IRAK2: variants seen among roughly 807,000 people sequenced by gnomAD.
IRAK2 encodes the protein interleukin-1 receptor-associated kinase-like 2.
Under a neutral mutation model 72.0 loss-of-function variants are expected in IRAK2, and 57 were observed. The observed-to-expected ratio is 0.79, with a 90% CI of 0.64 to 0.99. The LOEUF is 0.99. IRAK2 is among the 50% of genes least tolerant of loss of function. IRAK2 has a pLI of 0.00. For missense variants in IRAK2, 790 were observed against 794.4 expected, an observed-to-expected ratio of 0.99 and a Z score of 0.07; for synonymous variants, 293 against 312.7, an observed-to-expected ratio of 0.94 and a Z score of 0.67.
intron 3 of IRAK2, among the ~76,000 whole-genome samples, chr3:10,202,082 A>C (rs1156881082): frequency 1.3e-5 from 2 of 152,126 alleles, no homozygotes; most frequent in Non-Finnish European, 2.9e-5. Context: ...CATTCCAGAC[A>C]CTCCAGATAG....
At chr3:10,217,430 G>A (rs6804954) in intron 7 of IRAK2, among the ~76,000 whole-genome samples, 57,777 of 152,150 alleles carry the variant, frequency 0.38, 11,120 homozygotes, top group Admixed American at 0.43. Context: ...AACTTCGTTC[G>A]TCATGGTTCT....
intron 3 of IRAK2, 45 bp downstream of exon 3, chr3:10,200,560 G>T: frequency 2.0e-6 from 3 of 1,487,514 alleles, no homozygotes; most frequent in Non-Finnish European, 2.7e-6. Context: ...TTTATTTAAG[G>T]AAATGAAGAT....
At chr3:10,186,787 T>C (rs1362819560) in intron 2 of IRAK2, among the ~76,000 whole-genome samples, 1 of 147,678 alleles carries the variant, frequency 6.8e-6, no homozygotes. Context: ...TCTTTCCTTT[T>C]TTTTTTTTTT....
chr3:10,190,042 T>A (rs1162138956), intron 2 of IRAK2, among the ~76,000 whole-genome samples: 1 of 151,522 alleles, frequency 6.6e-6, no homozygotes, highest in Non-Finnish European at 1.5e-5. Context: ...TATCCCTATT[T>A]TATAGAAGAG....
intron 10 of IRAK2, among the ~76,000 whole-genome samples, chr3:10,227,370 C>T (rs1320625156): frequency 1.3e-5 from 2 of 152,002 alleles, no homozygotes; most frequent in Admixed American, 1.3e-4. Context: ...ATCGCTTGAA[C>T]CCAGGAGACA....
At chr3:10,215,393 C>CAAAAAAAAAAA (rs562788691) in intron 6 of IRAK2, among the ~76,000 whole-genome samples, 1 of 79,568 alleles carries the variant, frequency 1.3e-5, no homozygotes, top group Non-Finnish European at 2.5e-5. Context: ...GACTCTGTCT[C>CAAAAAAAAAAA]AAAAAAAAAA....
chr3:10,169,841 T>C (rs1696767757), intron 1 of IRAK2, among the ~76,000 whole-genome samples: 1 of 152,100 alleles, frequency 6.6e-6, no homozygotes, highest in South Asian at 2.1e-4. Flanking sequence ...ATTATAAGAG[T>C]ATAAATGTCC....
intron 10 of IRAK2, among the ~76,000 whole-genome samples, chr3:10,228,480 G>A (rs1410333583): frequency 6.6e-6 from 1 of 152,148 alleles, no homozygotes; most frequent in Non-Finnish European, 1.5e-5. Flanking sequence ...TTCTTGAGAT[G>A]GATTTCCCAG....
At chr3:10,230,917 T>C (rs1222094790) in intron 10 of IRAK2, among the ~76,000 whole-genome samples, 2 of 151,940 alleles carry the variant, frequency 1.3e-5, no homozygotes, top group Non-Finnish European at 2.9e-5. Flanking sequence ...CATGCCCAGC[T>C]AATTTTTGTA....
chr3:10,169,909 T>C (rs1323469198), intron 1 of IRAK2, among the ~76,000 whole-genome samples: 1 of 152,216 alleles, frequency 6.6e-6, no homozygotes, highest in Non-Finnish European at 1.5e-5. Context: ...TAAGAAATTA[T>C]AAAAGTATTA....
At chr3:10,181,490 C>G (rs1000116747) in intron 2 of IRAK2, among the ~76,000 whole-genome samples, 2 of 152,116 alleles carry the variant, frequency 1.3e-5, no homozygotes, top group Non-Finnish European at 2.9e-5. Context: ...GTCCCAGCTA[C>G]TCATGAGGCT....
Position 10,170,134 on chromosome 3 carries a change from T to G in IRAK2, c.94+5086T>G, listed in dbSNP as rs76946860. Among the ~76,000 whole-genome samples the G allele has an allele frequency of 2.2e-3, 342 of 152,320 alleles. 3 individuals are homozygous for G. Among genetic ancestry groups the G allele is most frequent in the East Asian group, 0.022 (113 of 5,184 alleles). On this transcript the variant is annotated intron_variant, in intron 1 of 12. Coordinates refer to ENST00000256458, the MANE Select transcript of IRAK2 (RefSeq NM_001570.4). Reference sequence around the variant, plus strand: ...GTCGGTCTCCTGGCCTTGACTGGCTTCCTGAGGCCTGCAGCATCCTGTGGC... The same window carrying G: ...GTCGGTCTCCTGGCCTTGACTGGCTGCCTGAGGCCTGCAGCATCCTGTGGC...
intron 4 of IRAK2, among the ~76,000 whole-genome samples, chr3:10,212,898 G>A (rs947620307): frequency 1.3e-5 from 2 of 151,754 alleles, no homozygotes; most frequent in Non-Finnish European, 2.9e-5. Context: ...CCGAGTAGCT[G>A]GGACTACAGG....
intron 3 of IRAK2, among the ~76,000 whole-genome samples, chr3:10,201,436 C>T (rs1188797188): frequency 6.6e-6 from 1 of 152,230 alleles, no homozygotes; most frequent in East Asian, 1.9e-4. Context: ...GTGCTTCCTG[C>T]CCACCACTTT....
At chr3:10,177,020 C>G (rs1696888047) in intron 1 of IRAK2, among the ~76,000 whole-genome samples, 1 of 152,026 alleles carries the variant, frequency 6.6e-6, no homozygotes, top group Non-Finnish European at 1.5e-5. Flanking sequence ...CCAGGATGGT[C>G]TTGATCTCCT....
At chr3:10,188,633 T>C (rs1697121658) in intron 2 of IRAK2, among the ~76,000 whole-genome samples, 1 of 152,174 alleles carries the variant, frequency 6.6e-6, no homozygotes, top group Non-Finnish European at 1.5e-5. Flanking sequence ...TTCAAGCGAT[T>C]CTCCTGCCTG....
Position 10,200,414 on chromosome 3 carries a change from A to G in IRAK2, c.323A>G (p.Asp108Gly), listed in dbSNP as rs1229202156. Residue 108 changes from aspartate (D) to glycine (G), a missense_variant, in exon 3 of 13, where the codon GAC becomes GGC. Asp to Gly is a moderately conservative substitution (Grantham distance 94). Coordinates refer to ENST00000256458, the MANE Select transcript of IRAK2 (RefSeq NM_001570.4). The part of the protein sequence containing the change: ...EIRCPIPAFP[D>G]SVKPEKPLAA... ...AGGTGTCCCATTCCAGCCTTCCCTGACTCTGTGAAGCCAGAAAAGCCTTTG... is the reference window on the plus strand; with the variant it reads ...AGGTGTCCCATTCCAGCCTTCCCTGGCTCTGTGAAGCCAGAAAAGCCTTTG... 6 of 1,606,368 alleles carry G rather than the reference A, an allele frequency of 3.7e-6. No homozygotes were observed. In the African/African-American group the frequency reaches 5.4e-5, roughly 14 times the overall value.
intron 1 of IRAK2, among the ~76,000 whole-genome samples, chr3:10,165,875 C>T (rs375576512): frequency 6.8e-4 from 104 of 152,174 alleles, no homozygotes; most frequent in East Asian, 3.1e-3. Context: ...GGACTACAGG[C>T]GCCCGCCACC....
Position 10,219,237 on chromosome 3 carries a change from G to A in IRAK2, c.904-443G>A, listed in dbSNP as rs192907027. On this transcript the variant is annotated intron_variant, in intron 7 of 12. Transcript: ENST00000256458. The stretch of plus-strand genomic sequence containing the variant: ...ATGAAAAAACTCACAGTATCATGCT[G>A]AGCCCTGTGACAGAGGACATGAAGG... Among the ~76,000 whole-genome samples, 91 of 152,282 alleles carry A rather than the reference G, an allele frequency of 6.0e-4. 2 individuals are homozygous for A. The East Asian group carries it at 0.017, about 28-fold the overall frequency.
Sources: gnomAD v4.1 joint callset for allele counts (sites outside exome capture counted in the v4.1 genomes callset) on GRCh38, gnomAD v4.1.1 for gene constraint, MANE v1.5 for transcripts, NCBI Gene and HGNC (gene_info 2026-07-23, HGNC 2026-07-21) for gene names.